TRHDE: variants seen among roughly 807,000 people sequenced by gnomAD.
The protein encoded by TRHDE is thyrotropin releasing hormone degrading enzyme.
TRHDE carries 72 observed loss-of-function variants against 125.7 expected under a neutral mutation model. The observed-to-expected ratio is 0.57, with a 90% CI of 0.47 to 0.70. The LOEUF is 0.70. Among genes scored for constraint, TRHDE ranks in the 30% least tolerant of loss-of-function variants. TRHDE has a pLI of 0.00. For missense variants in TRHDE, 1,110 were observed against 1,327.1 expected, an observed-to-expected ratio of 0.84 and a Z score of 2.54; for synonymous variants, 509 against 509.1, an observed-to-expected ratio of 1.00 and a Z score of 0.00.
chr12:72,246,263 A>C (rs1243233164), intron 2 of TRHDE, among the ~76,000 whole-genome samples: 1 of 152,088 alleles, frequency 6.6e-6, no homozygotes, highest in Admixed American at 6.6e-5. Flanking sequence ...TAACTCTTAA[A>C]ATGTGCCAAC....
chr12:72,345,187 A>G (rs1870262833), intron 2 of TRHDE, among the ~76,000 whole-genome samples: 1 of 152,180 alleles, frequency 6.6e-6, no homozygotes, highest in Non-Finnish European at 1.5e-5. Context: ...ACATACATGT[A>G]AAAGCTACAG....
chr12:72,195,064 G>A (rs985539256), intron 2 of TRHDE, among the ~76,000 whole-genome samples: 1 of 152,018 alleles, frequency 6.6e-6, no homozygotes, highest in African/African-American at 2.4e-5. Flanking sequence ...TTCTTCACAT[G>A]GCAACAGGAA....
intron 2 of TRHDE, among the ~76,000 whole-genome samples, chr12:72,368,143 G>A (rs1475938869): frequency 6.6e-6 from 1 of 152,088 alleles, no homozygotes; most frequent in Non-Finnish European, 1.5e-5. Context: ...TTTAGACAGA[G>A]AGATTTAGTT....
intron 3 of TRHDE, among the ~76,000 whole-genome samples, chr12:72,437,363 G>A (rs746060319): frequency 2.6e-5 from 4 of 151,602 alleles, no homozygotes; most frequent in East Asian, 3.9e-4. Context: ...CCATTTCTCC[G>A]TTGTATTTCT....
intron 2 of TRHDE, among the ~76,000 whole-genome samples, chr12:72,335,258 A>G (rs549948643): frequency 1.3e-5 from 2 of 151,582 alleles, no homozygotes; most frequent in Admixed American, 1.3e-4. Context: ...GATTCTAACA[A>G]GAGATTTCAG....
At chr12:72,376,601 A>G (rs976952533) in intron 2 of TRHDE, among the ~76,000 whole-genome samples, 3 of 152,202 alleles carry the variant, frequency 2.0e-5, no homozygotes, top group African/African-American at 7.2e-5. Context: ...GAATTTAGTA[A>G]ATAACTTACT....
chr12:72,667,553 T>C lies in TRHDE; in HGVS notation c.*4358T>C, dbSNP rs1425883594. 1 of 151,286 alleles carries C rather than the reference T, an allele frequency of 6.6e-6. No homozygotes were observed. The highest frequency in any genetic ancestry group is 1.5e-5 in the Non-Finnish European group (1 of 67,658). The allele number at this position is 151,286 out of a possible 1,614,324, so 9.4% of individuals were successfully genotyped here. ...AGGAATGAACTCATATTACAATAAA[T>C]GAAAAAGAAAAAGAAATAATGAACC... is the stretch of plus-strand genomic sequence containing the variant. On this transcript the variant is annotated 3_prime_UTR_variant, in exon 19 of 19. Transcript: ENST00000261180.
chr12:72,446,327 C>T (rs1308235058), intron 3 of TRHDE, among the ~76,000 whole-genome samples: 2 of 151,742 alleles, frequency 1.3e-5, no homozygotes, highest in Non-Finnish European at 2.9e-5. Context: ...TTGTCACCAC[C>T]AGGCCTGCCT....
chr12:72,241,622 T>C (rs1258532820), intron 2 of TRHDE, among the ~76,000 whole-genome samples: 1 of 152,194 alleles, frequency 6.6e-6, no homozygotes, highest in Non-Finnish European at 1.5e-5. Flanking sequence ...AACGTTTGTG[T>C]GTGAGTTTTT....
chr12:72,552,593 C>T (rs1037280950), intron 7 of TRHDE, among the ~76,000 whole-genome samples: 4 of 151,980 alleles, frequency 2.6e-5, no homozygotes. Context: ...GAGCTTGTTT[C>T]AAGAACAAGA....
intron 2 of TRHDE, among the ~76,000 whole-genome samples, chr12:72,226,709 C>T (rs922792764): frequency 6.6e-6 from 1 of 152,088 alleles, no homozygotes; most frequent in Non-Finnish European, 1.5e-5. Context: ...TGTGCTGAGG[C>T]TGGCATAATT....
intron 6 of TRHDE, among the ~76,000 whole-genome samples, chr12:72,530,193 T>C (rs759841722): frequency 2.6e-5 from 4 of 152,180 alleles, no homozygotes; most frequent in Non-Finnish European, 4.4e-5. Flanking sequence ...TTTATATCTT[T>C]ACACTCTTAG....
chr12:72,197,939 G>A (rs1172156372), intron 2 of TRHDE, among the ~76,000 whole-genome samples: 2 of 151,578 alleles, frequency 1.3e-5, no homozygotes, highest in Non-Finnish European at 2.9e-5. Flanking sequence ...TAATGCACAT[G>A]CCCATACTCA....
intron 15 of TRHDE, among the ~76,000 whole-genome samples, chr12:72,643,663 T>G (rs1253337307): frequency 6.6e-6 from 1 of 152,220 alleles, no homozygotes; most frequent in Non-Finnish European, 1.5e-5. Context: ...TCAGAATCTC[T>G]TCTTCTTGCT....
chr12:72,659,581 C>G (rs921308038), intron 18 of TRHDE, among the ~76,000 whole-genome samples: 1 of 151,992 alleles, frequency 6.6e-6, no homozygotes, highest in Non-Finnish European at 1.5e-5. Flanking sequence ...ACAATCTACT[C>G]TAAAAATAAT....
intron 2 of TRHDE, among the ~76,000 whole-genome samples, chr12:72,369,537 A>G (rs1331159736): frequency 1.3e-5 from 2 of 152,186 alleles, no homozygotes; most frequent in African/African-American, 4.8e-5. Context: ...TGTAGACTAG[A>G]TGAGAAGAAT....
rs150505223 is a variant in TRHDE, at chr12:72,197,216, C to T, written n.279+91464C>T. Among the ~76,000 whole-genome samples, 299 of 152,186 alleles carry T rather than the reference C, an allele frequency of 2.0e-3. 1 individual carries two copies. Among genetic ancestry groups the T allele is most frequent in the African/African-American group, 6.6e-3 (274 of 41,528 alleles). On this transcript the variant is annotated intron_variant and non_coding_transcript_variant, in intron 2 of 4. Coordinates refer to the TRHDE transcript ENST00000548156. ...CAGATTTTCTTATACATGCTCATGGCGTGTTTCCTCACTTCCTTCAGGTCT... is the reference window on the plus strand; with the variant it reads ...CAGATTTTCTTATACATGCTCATGGTGTGTTTCCTCACTTCCTTCAGGTCT...
At chr12:72,087,342 G>C (rs991826308) in exon 1 of TRHDE, 8 of 152,168 alleles carry the variant, frequency 5.3e-5, no homozygotes, top group Non-Finnish European at 1.0e-4. Context: ...TCACATTAGA[G>C]CCTGTTTGTT....
intron 4 of TRHDE, among the ~76,000 whole-genome samples, chr12:72,470,390 A>G (rs957812176): frequency 6.6e-6 from 1 of 152,252 alleles, no homozygotes; most frequent in Non-Finnish European, 1.5e-5. Flanking sequence ...TAACTCAGCC[A>G]TAGACTCTTT....
Sources: gnomAD v4.1 joint callset for allele counts (sites outside exome capture counted in the v4.1 genomes callset) on GRCh38, gnomAD v4.1.1 for gene constraint, MANE v1.5 for transcripts, NCBI Gene and HGNC (gene_info 2026-07-23, HGNC 2026-07-21) for gene names.